ERN1: variants seen among roughly 807,000 people sequenced by gnomAD.
The protein encoded by ERN1 is serine/threonine-protein kinase/endoribonuclease IRE1.
ERN1 carries 39 observed loss-of-function variants against 113.1 expected under a neutral mutation model. The ratio of observed to expected loss-of-function variants is 0.34; its 90% CI spans 0.27 to 0.45. The LOEUF is 0.45. Among genes scored for constraint, ERN1 ranks in the 20% least tolerant of loss-of-function variants. The pLI is 1.00. For missense variants in ERN1, 976 were observed against 1,274.8 expected, an observed-to-expected ratio of 0.77 and a Z score of 3.57; for synonymous variants, 507 against 515.9, an observed-to-expected ratio of 0.98 and a Z score of 0.23.
intron 11 of ERN1, among the ~76,000 whole-genome samples, chr17:64,059,335 G>A (rs577403022): frequency 5.2e-4 from 79 of 152,220 alleles, no homozygotes; most frequent in African/African-American, 1.7e-3. Context: ...TTTTGGTCTC[G>A]GCATCAGTCA....
intron 12 of ERN1, among the ~76,000 whole-genome samples, chr17:64,057,214 A>G (rs141793499): frequency 1.3e-5 from 2 of 152,230 alleles, no homozygotes; most frequent in Non-Finnish European, 2.9e-5. Flanking sequence ...AAAAATACAG[A>G]TAACTATTCA....
chr17:64,044,917 T>C lies in ERN1; in HGVS notation c.2664A>G (p.Lys888=). The change falls in exon 21 of 22, where the codon AAA becomes AAG. Residue 888 remains lysine, a synonymous_variant. Coordinates refer to ENST00000433197, the MANE Select transcript of ERN1 (RefSeq NM_001433.5). The surrounding 1 kb of genome is among the most constrained non-coding windows in gnomAD (Gnocchi z 4.1). ...CAGAACCACCTTTATAGGTCCTGAATTTACGCAGGTCTAGAAAAACATTGA... is the reference window on the plus strand; with the variant it reads ...CAGAACCACCTTTATAGGTCCTGAACTTACGCAGGTCTAGAAAAACATTGA... ...ITVPLQTDLR[K]FRTYKGGSVR... 1.3e-6 allele frequency: 2 copies of C among 1,590,030 alleles called. No homozygotes were observed. The highest frequency in any genetic ancestry group is 1.7e-6 in the Non-Finnish European group (2 of 1,166,774).
At chr17:64,086,712 T>C (rs1913941400) in intron 2 of ERN1, among the ~76,000 whole-genome samples, 1 of 118,312 alleles carries the variant, frequency 8.5e-6, no homozygotes, top group Non-Finnish European at 1.6e-5. Flanking sequence ...AGTGGCACAA[T>C]CTCAGCAACC....
Position 64,047,850 on chromosome 17 carries a change from G to C in ERN1, c.2529+8C>G. The C allele has an allele frequency of 1.3e-6, 2 of 1,599,314 alleles. No individual in the cohort carries two copies. The highest frequency in any genetic ancestry group is 1.7e-6 in the Non-Finnish European group (2 of 1,172,194). On this transcript the variant is annotated splice_region_variant and intron_variant, in intron 19 of 21. Coordinates refer to ENST00000433197, the MANE Select transcript of ERN1 (RefSeq NM_001433.5). ...AAGACTCTGGATAAAGAGAACAGAC[G>C]TCTCTACCTGGAAGAACTGGAGCTG...
At position 64,054,418 on chromosome 17, in the gene ERN1, G is replaced by A. The variant is rs372635220; in HGVS notation, c.1785C>T (p.Asp595=). 4.5e-6 allele frequency: 7 copies of A among 1,569,286 alleles called. No homozygotes were observed. Among genetic ancestry groups the A allele is most frequent in the South Asian group, 2.3e-5 (2 of 85,538 alleles). The stretch of plus-strand genomic sequence containing the variant: ...CGGGGAGGATCCTCTTCACGGCCAC[G>A]TCGCGGTTGTCAAACATGCCCCTGC... ...IVYRGMFDNR[D]VAVKRILPEC... is the part of the protein sequence containing the mutation. Residue 595 remains aspartate, a synonymous_variant, in exon 15 of 22, where the codon GAC becomes GAT. Coordinates refer to ENST00000433197, the MANE Select transcript of ERN1 (RefSeq NM_001433.5). The surrounding 1 kb of genome is among the most constrained non-coding windows in gnomAD (Gnocchi z 4.9).
intron 1 of ERN1, among the ~76,000 whole-genome samples, chr17:64,101,944 T>C (rs1035448209): frequency 6.6e-6 from 1 of 152,158 alleles, no homozygotes; most frequent in African/African-American, 2.4e-5. Flanking sequence ...TGGAAGCCAC[T>C]GGAAGAGCAA....
rs377094495 is a variant in ERN1 at position 64,102,783 on chromosome 17, C to T, written c.55-4542G>A. ...TCTACAAGCAACATACCCTACGGCA[C>T]ACACACTGGTTTCCAGAGAGCCTGA... is the stretch of plus-strand genomic sequence containing the variant. On this transcript the variant is annotated intron_variant, in intron 1 of 21. Coordinates refer to ENST00000433197, the MANE Select transcript of ERN1 (RefSeq NM_001433.5). 158 of 985,346 alleles carry T rather than the reference C, an allele frequency of 1.6e-4. 1 individual carries two copies. In the African/African-American group the frequency reaches 2.6e-3, roughly 16 times the overall value. The allele number at this position is 985,346 out of a possible 1,614,324, so 61.0% of individuals were successfully genotyped here.
intron 1 of ERN1, 53 bp from the exon 2 acceptor site, chr17:64,098,294 C>A (rs769222618): frequency 6.2e-7 from 1 of 1,608,828 alleles, no homozygotes; most frequent in Non-Finnish European, 8.5e-7. Context: ...TCACCTTGGG[C>A]ATGTACAATC....
At chr17:64,058,083 A>C in intron 11 of ERN1, 90 bp from the exon 12 acceptor site, 1 of 1,036,350 alleles carries the variant, frequency 9.6e-7, no homozygotes, top group Non-Finnish European at 1.4e-6. Context: ...CACTGTTTAC[A>C]AGGATATGAC....
At chr17:64,105,886 C>T (rs953641828) in intron 1 of ERN1, among the ~76,000 whole-genome samples, 5 of 150,770 alleles carry the variant, frequency 3.3e-5, no homozygotes, top group African/African-American at 1.2e-4. Context: ...ACCTGGGAGG[C>T]GGAGGTTGCA....
chr17:64,120,390 T>C (rs1914924558), intron 1 of ERN1, among the ~76,000 whole-genome samples: 1 of 152,220 alleles, frequency 6.6e-6, no homozygotes, highest in South Asian at 2.1e-4. Flanking sequence ...CAGCACTGTT[T>C]GTTCAGAGAA....
At chr17:64,127,156 G>A (rs1275911738) in intron 1 of ERN1, among the ~76,000 whole-genome samples, 2 of 152,118 alleles carry the variant, frequency 1.3e-5, no homozygotes, top group African/African-American at 4.8e-5. Flanking sequence ...ATTGCGTTTT[G>A]GATCTGGTAG....
At chr17:64,104,161 G>A (rs1253647794) in intron 1 of ERN1, among the ~76,000 whole-genome samples, 2 of 152,180 alleles carry the variant, frequency 1.3e-5, no homozygotes, top group Admixed American at 6.5e-5. Flanking sequence ...AGGATTGCTT[G>A]AGCCTGGGAA....
At chr17:64,050,071 TC>T (rs1206849925) in intron 17 of ERN1, among the ~76,000 whole-genome samples, 7 of 152,148 alleles carry the variant, frequency 4.6e-5, no homozygotes, top group Non-Finnish European at 5.9e-5. Context: ...AATGCTTTCA[TC>T]CCCAGATGAG....
chr17:64,088,779 T>A (rs1226308485), intron 2 of ERN1, among the ~76,000 whole-genome samples: 4 of 152,054 alleles, frequency 2.6e-5, no homozygotes, highest in African/African-American at 9.7e-5. Flanking sequence ...ACCGGAATAC[T>A]CGGAGCAGAA....
chr17:64,104,322 C>T (rs1225115241), intron 1 of ERN1, among the ~76,000 whole-genome samples: 1 of 152,192 alleles, frequency 6.6e-6, no homozygotes, highest in East Asian at 1.9e-4. Flanking sequence ...TGGTTTGTTT[C>T]CACTTACCAC....
In ERN1 at chr17:64,054,391, C is replaced by T. The variant is rs777265385; in HGVS notation, c.1812G>A (p.Glu604=). ...CCTCACGGTCTGCGAAGCTAAAACA[C>T]TCGGGGAGGATCCTCTTCACGGCCA... is the stretch of plus-strand genomic sequence containing the variant. The part of the protein sequence containing the change: ...RDVAVKRILP[E]CFSFADREVQ... Residue 604 remains glutamate, a synonymous_variant, in exon 15 of 22, where the codon GAG becomes GAA. Transcript: ENST00000433197. The surrounding 1 kb of genome is among the most constrained non-coding windows in gnomAD (Gnocchi z 4.9). The T allele has an allele frequency of 6.3e-7, 1 of 1,597,314 alleles. No individual in the cohort carries two copies. The highest frequency in any genetic ancestry group is 1.1e-5 in the South Asian group (1 of 88,300).
At chr17:64,075,093 C>G in intron 5 of ERN1, 82 bp downstream of exon 5, 89 of 1,118,908 alleles carry the variant, frequency 8.0e-5, no homozygotes, top group Non-Finnish European at 1.1e-4. Context: ...GGTGACTGCG[C>G]CCTCTCTCTC....
At chr17:64,061,944 T>A (rs879937829) in intron 10 of ERN1, among the ~76,000 whole-genome samples, 4 of 152,200 alleles carry the variant, frequency 2.6e-5, no homozygotes, top group Non-Finnish European at 5.9e-5. Flanking sequence ...TTAGCCTGAA[T>A]CCCCCTAGTT....
Sources: allele counts gnomAD v4.1 joint callset (sites outside exome capture counted in the v4.1 genomes callset), GRCh38; gene constraint gnomAD v4.1.1; non-coding constraint Gnocchi (gnomAD v3.1); transcripts MANE v1.5; gene names NCBI Gene and HGNC (gene_info 2026-07-23, HGNC 2026-07-21).